The following CD226 variants were observed in gnomAD, a reference collection of about 807,000 sequenced individuals.
CD226 encodes CD226 antigen.
CD226 carries 24 observed loss-of-function variants against 34.9 expected under a neutral mutation model. The observed-to-expected ratio is 0.69, with a 90% CI of 0.50 to 0.97. The LOEUF is 0.97. Among genes scored for constraint, CD226 ranks in the 50% least tolerant of loss-of-function variants. The pLI is 0.00. For missense variants in CD226, 397 were observed against 412.7 expected (o/e 0.96, Z 0.33); for synonymous variants, 148 against 147.4 (o/e 1.00, Z -0.03).
At chr18:69,922,385 A>C (rs896314312) in intron 2 of CD226, among the ~76,000 whole-genome samples, 19 of 152,146 alleles carry the variant, frequency 1.2e-4, no homozygotes, top group African/African-American at 3.1e-4. Context: ...GGGCACAGGC[A>C]GTCCTCCTGC....
intron 2 of CD226, among the ~76,000 whole-genome samples, chr18:69,936,041 C>A (rs2041714610): frequency 6.6e-6 from 1 of 152,000 alleles, no homozygotes; most frequent in Non-Finnish European, 1.5e-5. Flanking sequence ...TCTCACGGGG[C>A]ATAAAGGAGG....
At chr18:69,940,393 AG>A (rs2055708630) in intron 2 of CD226, among the ~76,000 whole-genome samples, 1 of 152,244 alleles carries the variant, frequency 6.6e-6, no homozygotes, top group Non-Finnish European at 1.5e-5. Flanking sequence ...GGTAACAGGT[AG>A]AGGTTGGAAC....
chr18:69,867,513 T>C, intron 4 of CD226, 102 bp from the exon 5 acceptor site: 2 of 715,748 alleles, frequency 2.8e-6, no homozygotes, highest in Non-Finnish European at 4.9e-6. Context: ...CACATGCACC[T>C]TCTAATATGT....
At chr18:69,928,054 C>T (rs941173148) in intron 2 of CD226, among the ~76,000 whole-genome samples, 9 of 152,092 alleles carry the variant, frequency 5.9e-5, no homozygotes, top group Non-Finnish European at 8.8e-5. Flanking sequence ...TGCAGAAAAG[C>T]GGTAGATAAG....
At chr18:69,917,308 C>T (rs1312816795) in intron 2 of CD226, among the ~76,000 whole-genome samples, 1 of 152,182 alleles carries the variant, frequency 6.6e-6, no homozygotes, top group Non-Finnish European at 1.5e-5. Context: ...CACCTTGCCC[C>T]TGGGCTCATT....
chr18:69,887,426 C>G (rs1203838754), intron 3 of CD226, among the ~76,000 whole-genome samples: 1 of 152,182 alleles, frequency 6.6e-6, no homozygotes, highest in Non-Finnish European at 1.5e-5. Flanking sequence ...GATAACTATA[C>G]TTGGTGAGCC....
Position 69,854,572 on chromosome 18 carries a change from G to C in CD226, c.*9742C>G, listed in dbSNP as rs1160678602. ...TGGTAACAAAGATGGAAAGGACTCT[G>C]CCAAGCACAATTCCCAAACCTCATC... On this transcript the variant is annotated 3_prime_UTR_variant, in exon 6 of 6. Transcript: ENST00000582621. The C allele has an allele frequency of 6.6e-6, 1 of 152,260 alleles. No individual in the cohort carries two copies. The highest frequency in any genetic ancestry group is 1.5e-5 in the Non-Finnish European group (1 of 68,100). 9.4% of individuals were successfully genotyped at this position (152,260 alleles called of 1,614,324 possible). A position where few individuals can be genotyped will look rare whatever the true frequency, so the allele number is the denominator to read the frequency against.
chr18:69,917,023 C>T (rs944148210), intron 2 of CD226, among the ~76,000 whole-genome samples: 3 of 152,156 alleles, frequency 2.0e-5, no homozygotes, highest in African/African-American at 4.8e-5. Context: ...AATAGCCTTA[C>T]ATCTGCCTAC....
chr18:69,933,222 T>C (rs1016392553), intron 2 of CD226, among the ~76,000 whole-genome samples: 2 of 152,338 alleles, frequency 1.3e-5, no homozygotes, highest in Admixed American at 1.3e-4. Context: ...CTCCCAATCA[T>C]GGCCAACATG....
chr18:69,899,908 C>T (rs749625349), intron 2 of CD226, among the ~76,000 whole-genome samples: 2 of 152,198 alleles, frequency 1.3e-5, no homozygotes, highest in Non-Finnish European at 2.9e-5. Context: ...TACCATTTGA[C>T]CCAGCAATCC....
chr18:69,926,939 G>C (rs1359362101), intron 2 of CD226, among the ~76,000 whole-genome samples: 1 of 152,132 alleles, frequency 6.6e-6, no homozygotes, highest in East Asian at 1.9e-4. Context: ...TAGATAGCAG[G>C]AATTTCTCTA....
At chr18:69,928,025 C>T (rs118157416) in intron 2 of CD226, among the ~76,000 whole-genome samples, 1,882 of 152,260 alleles carry the variant, frequency 0.012, 24 homozygotes, top group South Asian at 0.037. Context: ...ACTGAAGAAT[C>T]TCATTAAGCT....
rs59572602 is a variant in CD226 at position 69,932,472 on chromosome 18, C to T, written c.382+14262G>A. On this transcript the variant is annotated intron_variant, in intron 2 of 5. Transcript: ENST00000582621. ...CCCTCTTCTAAGCAAAAATCTGGAGCTCCTGCTGATCACACATCAAATTTC... is the reference window on the plus strand; with the variant it reads ...CCCTCTTCTAAGCAAAAATCTGGAGTTCCTGCTGATCACACATCAAATTTC... 9.8e-4 allele frequency among the ~76,000 whole-genome samples: 149 copies of T among 152,280 alleles called. 3 individuals carry two copies. The East Asian group carries it at 0.028, about 29-fold the overall frequency.
intron 3 of CD226, 63 bp from the exon 4 acceptor site, chr18:69,873,309 C>A: frequency 1.2e-6 from 1 of 802,228 alleles, no homozygotes; most frequent in South Asian, 1.6e-5. Context: ...AAAAGTAAGG[C>A]AGGAAAATAA....
At chr18:69,915,724 A>T (rs1311094306) in intron 2 of CD226, among the ~76,000 whole-genome samples, 1 of 152,186 alleles carries the variant, frequency 6.6e-6, no homozygotes, top group African/African-American at 2.4e-5. Context: ...CGAAGTCTGC[A>T]ATTTAATTTC....
chr18:69,913,242 G>T (rs1384534273), intron 2 of CD226, among the ~76,000 whole-genome samples: 7 of 152,118 alleles, frequency 4.6e-5, no homozygotes, highest in Admixed American at 3.9e-4. Context: ...GAATACCAAG[G>T]ATATCATAGA....
chr18:69,926,096 T>C (rs1406004389), intron 2 of CD226, among the ~76,000 whole-genome samples: 1 of 151,956 alleles, frequency 6.6e-6, no homozygotes. Flanking sequence ...TGTGCCAAGA[T>C]TGCGCCACTG....
chr18:69,950,652 G>A (rs1184083978), upstream of CD226, among the ~76,000 whole-genome samples: 1 of 152,144 alleles, frequency 6.6e-6, no homozygotes, highest in Non-Finnish European at 1.5e-5. Context: ...GGTGCACAAA[G>A]TCAGAGACTT....
intron 2 of CD226, among the ~76,000 whole-genome samples, chr18:69,914,959 G>T (rs1400802101): frequency 6.6e-6 from 1 of 152,162 alleles, no homozygotes; most frequent in Non-Finnish European, 1.5e-5. Context: ...TTACTTTGAA[G>T]TATTAGAGCT....
Sources: allele counts gnomAD v4.1 joint callset (sites outside exome capture counted in the v4.1 genomes callset), GRCh38; gene constraint gnomAD v4.1.1; transcripts MANE v1.5; gene names NCBI Gene and HGNC (gene_info 2026-07-23, HGNC 2026-07-21).